Variants in KAZN observed in about 807,000 individuals in gnomAD.
KAZN encodes the protein kazrin.
Under a neutral mutation model 87.4 loss-of-function variants are expected in KAZN, and 40 were observed. The ratio of observed to expected loss-of-function variants is 0.46; its 90% CI spans 0.36 to 0.60. The LOEUF (loss-of-function observed/expected upper bound fraction) is 0.60. Among genes scored for constraint, KAZN ranks in the 20% least tolerant of loss-of-function variants. The pLI is 0.00. For synonymous variants in KAZN, 466 were observed against 458.3 expected (o/e 1.02, Z -0.22); for missense variants, 898 against 1,073.9 (o/e 0.84, Z 2.29).
intron 2 of KAZN, among the ~76,000 whole-genome samples, chr1:14,998,033 T>TAATC (rs1349800680): frequency 2.6e-5 from 4 of 152,058 alleles, no homozygotes; most frequent in Non-Finnish European, 5.9e-5. Context: ...TGTTTGGTTT[T>TAATC]GTCATGAGGC....
intron 2 of KAZN, among the ~76,000 whole-genome samples, chr1:14,228,583 A>G (rs1468030342): frequency 6.6e-6 from 1 of 152,202 alleles, no homozygotes; most frequent in African/African-American, 2.4e-5. Context: ...GAGGAAATTG[A>G]CATTCAAAAT....
chr1:14,347,427 TA>T (rs1300547858), intron 2 of KAZN, among the ~76,000 whole-genome samples: 1 of 152,178 alleles, frequency 6.6e-6, no homozygotes, highest in Non-Finnish European at 1.5e-5. Context: ...GAAGACACGC[TA>T]AAGAGTCTGA....
intron 1 of KAZN, among the ~76,000 whole-genome samples, chr1:14,032,004 G>A (rs930632437): frequency 7.9e-5 from 12 of 152,216 alleles, no homozygotes; most frequent in South Asian, 2.1e-4. Context: ...TGAATGTTAC[G>A]TCTGGATGGC....
At chr1:14,892,111 C>T (rs1316888659) in intron 1 of KAZN, among the ~76,000 whole-genome samples, 1 of 152,130 alleles carries the variant, frequency 6.6e-6, no homozygotes, top group African/African-American at 2.4e-5. Flanking sequence ...AGGCAGAGCC[C>T]AGATGGGATG....
intron 4 of KAZN, among the ~76,000 whole-genome samples, chr1:15,047,770 C>CAA (rs529941915): frequency 1.4e-5 from 2 of 147,966 alleles, no homozygotes; most frequent in East Asian, 2.0e-4. Context: ...AACCCCATCT[C>CAA]AAAAAAAAAA....
intron 1 of KAZN, among the ~76,000 whole-genome samples, chr1:14,793,224 A>G (rs6682312): frequency 0.068 from 10,366 of 152,198 alleles, 458 homozygotes; most frequent in African/African-American, 0.12. Context: ...AGAGCAAATC[A>G]GCACCAGGCG....
chr1:13,984,227 G>T (rs1372325089), intron 1 of KAZN, among the ~76,000 whole-genome samples: 1 of 152,092 alleles, frequency 6.6e-6, no homozygotes, highest in Admixed American at 6.5e-5. Flanking sequence ...AGCCAGGATG[G>T]TCTTGATCTT....
chr1:14,352,649 T>G (rs538224790), intron 2 of KAZN, among the ~76,000 whole-genome samples: 62 of 152,302 alleles, frequency 4.1e-4, no homozygotes, highest in South Asian at 2.9e-3. Flanking sequence ...TTTACATTCT[T>G]AGTCACGTGA....
At position 14,192,596 on chromosome 1, in the gene KAZN, C is replaced by T. The variant is rs932584122; in HGVS notation, c.249+12004C>T. ...ACTTGTTCTAGAAGCACAAGCTGTA[C>T]ACTAGTGTTCGTAAGTGATGTGTAC... On this transcript the variant is annotated intron_variant, in intron 2 of 16. Transcript: ENST00000636203. 5.3e-5 allele frequency among the ~76,000 whole-genome samples: 8 copies of T among 152,168 alleles called. No homozygotes were observed. The East Asian group carries it at 1.5e-3, about 29-fold the overall frequency.
At chr1:14,033,221 C>T (rs1641402745) in intron 1 of KAZN, among the ~76,000 whole-genome samples, 1 of 152,144 alleles carries the variant, frequency 6.6e-6, no homozygotes, top group East Asian at 1.9e-4. Flanking sequence ...GTTTGACAGC[C>T]AGCATGACCT....
intron 1 of KAZN, among the ~76,000 whole-genome samples, chr1:14,793,301 A>G (rs1430118840): frequency 6.0e-5 from 9 of 150,052 alleles, no homozygotes; most frequent in African/African-American, 1.9e-4. Flanking sequence ...GAGGAGCCCC[A>G]AGGACCCACT....
intron 1 of KAZN, among the ~76,000 whole-genome samples, chr1:14,879,744 G>A (rs1461682793): frequency 6.6e-6 from 1 of 152,188 alleles, no homozygotes; most frequent in Non-Finnish European, 1.5e-5. Context: ...GTGTGACTAT[G>A]CGAGAATGTA....
At chr1:14,697,744 A>T (rs1212403402) in intron 1 of KAZN, among the ~76,000 whole-genome samples, 4 of 152,260 alleles carry the variant, frequency 2.6e-5, no homozygotes, top group Non-Finnish European at 5.9e-5. Context: ...CCTGCTCTTA[A>T]GCTTTGAACT....
chr1:14,600,183 G>T (rs985263595), intron 1 of KAZN, among the ~76,000 whole-genome samples: 1 of 152,030 alleles, frequency 6.6e-6, no homozygotes, highest in Non-Finnish European at 1.5e-5. Context: ...AAATTAAACT[G>T]CTGAAATCCA....
At chr1:14,497,725 G>A (rs1353591068) in intron 2 of KAZN, among the ~76,000 whole-genome samples, 1 of 152,118 alleles carries the variant, frequency 6.6e-6, no homozygotes, top group Non-Finnish European at 1.5e-5. Context: ...AAGACTTAGA[G>A]GGTTAGGGCT....
intron 1 of KAZN, among the ~76,000 whole-genome samples, chr1:14,956,286 C>T (rs776545259): frequency 7.3e-6 from 1 of 137,246 alleles, no homozygotes; most frequent in African/African-American, 3.3e-5. Flanking sequence ...TTGGAAGAGA[C>T]CCAGAAGTCA....
intron 12 of KAZN, among the ~76,000 whole-genome samples, chr1:15,103,755 C>A (rs1281721786): frequency 6.6e-6 from 1 of 152,086 alleles, no homozygotes; most frequent in African/African-American, 2.4e-5. Flanking sequence ...TGAGCCAGCC[C>A]CACTCTCCTA....
At position 14,198,610 on chromosome 1, in the gene KAZN, T is replaced by G. The variant is rs560228984; in HGVS notation, c.249+18018T>G. 7.1e-4 allele frequency among the ~76,000 whole-genome samples: 108 copies of G among 152,106 alleles called. 1 individual carries two copies. The highest frequency in any genetic ancestry group is 6.5e-4 in the Non-Finnish European group (44 of 67,966). Reference sequence around the variant, plus strand: ...GCAAGACTCTATCTCCAAATAATAATAAGAAGAAGAAATTGATGGTTGGGG... The same window carrying G: ...GCAAGACTCTATCTCCAAATAATAAGAAGAAGAAGAAATTGATGGTTGGGG... On this transcript the variant is annotated intron_variant, in intron 2 of 16. Transcript: ENST00000636203.
intron 2 of KAZN, among the ~76,000 whole-genome samples, chr1:14,276,870 C>T (rs1023274397): frequency 1.1e-4 from 16 of 152,136 alleles, no homozygotes; most frequent in African/African-American, 2.4e-5. Flanking sequence ...TCTTGCATTC[C>T]TTTGTCATGC....
Sources: allele counts gnomAD v4.1 joint callset (sites outside exome capture counted in the v4.1 genomes callset), GRCh38; gene constraint gnomAD v4.1.1; transcripts MANE v1.5; gene names NCBI Gene and HGNC (gene_info 2026-07-23, HGNC 2026-07-21).